Variants in MED1 observed in about 807,000 individuals in gnomAD.
The protein encoded by MED1 is mediator of RNA polymerase II transcription subunit 1.
A neutral mutation model predicts 121.3 loss-of-function variants in MED1; 17 were observed. The observed-to-expected ratio is 0.14, with a 90% CI of 0.10 to 0.21. The LOEUF (loss-of-function observed/expected upper bound fraction) is 0.21. Among genes scored for constraint, MED1 ranks in the 10% least tolerant of loss-of-function variants. The probability of loss-of-function intolerance (pLI) is 1.00; values close to 1 mark genes in which losing one functional copy is unlikely to be tolerated. For missense variants in MED1, 1,558 were observed against 1,919.4 expected (o/e 0.81, Z 3.52); for synonymous variants, 661 against 694.4 (o/e 0.95, Z 0.76).
chr17:39,443,789 T>C (rs1043815287), intron 2 of MED1, among the ~76,000 whole-genome samples, 161 bp from the exon 3 acceptor site: 1 of 117,832 alleles, frequency 8.5e-6, no homozygotes, highest in Admixed American at 9.0e-5. Context: ...GGTCTACAAG[T>C]GTTACTCTGT....
At chr17:39,434,810 T>C (rs1436639537) in intron 6 of MED1, among the ~76,000 whole-genome samples, 2 of 152,068 alleles carry the variant, frequency 1.3e-5, no homozygotes, top group East Asian at 1.9e-4. Context: ...CCTCCAAATA[T>C]GTAACTGAAT....
At chr17:39,423,287 CAT>C in intron 13 of MED1, 38 bp downstream of exon 13, 1 of 1,443,960 alleles carries the variant, frequency 6.9e-7, no homozygotes, top group Non-Finnish European at 9.7e-7. Flanking sequence ...TGGGTCCAAA[CAT>C]AACCTACAAC....
chr17:39,437,702 A>C (rs971052826), intron 6 of MED1, among the ~76,000 whole-genome samples: 2 of 152,058 alleles, frequency 1.3e-5, no homozygotes, highest in Admixed American at 1.3e-4. Context: ...TGGGAGGCCA[A>C]GGCAGGAGGA....
chr17:39,407,519 C>T lies in MED1; in HGVS notation c.4702G>A (p.Glu1568Lys). 1 of 1,612,956 alleles carries T rather than the reference C, an allele frequency of 6.2e-7. No homozygotes were observed. The highest frequency in any genetic ancestry group is 8.5e-7 in the Non-Finnish European group (1 of 1,179,432). The part of the protein sequence containing the change: ...SRLSPDFMIG[E>K]EDDDLMDVAL... ...ACATCCATAAGATCATCATCTTCCT[C>T]CCCAATCATAAAGTCTGGGCTGAGC... Residue 1568 changes from glutamate to lysine, a missense_variant, in exon 17 of 17, where the codon GAG (glutamate) becomes AAG (lysine). Coordinates refer to ENST00000300651, the MANE Select transcript of MED1 (RefSeq NM_004774.4).
intron 3 of MED1, 62 bp downstream of exon 3, chr17:39,443,488 A>C: frequency 6.9e-7 from 1 of 1,440,918 alleles, no homozygotes; most frequent in Non-Finnish European, 9.7e-7. Context: ...TTTAAGTATA[A>C]AATGGTCCTT....
At chr17:39,415,223 T>G in intron 15 of MED1, 21 bp downstream of exon 15, 1 of 1,606,250 alleles carries the variant, frequency 6.2e-7, no homozygotes. Context: ...ATGAGAGGTG[T>G]TAGCCACCCA....
chr17:39,412,223 T>TTTTTC (rs2048362567), intron 16 of MED1, among the ~76,000 whole-genome samples: 1 of 149,364 alleles, frequency 6.7e-6, no homozygotes, highest in East Asian at 1.9e-4. Context: ...AGCAAATTTT[T>TTTTTC]TTTTCTTTTT....
In MED1 at chr17:39,407,938, G is replaced by C. The variant is rs139806618; in HGVS notation, c.4283C>G (p.Ser1428Cys). Reference sequence around the variant, plus strand: ...GATGAGTGGAGAGCCATAGTTTTTAGAAGAAGCCATTTGAGGCCTAAGCCC... The same window carrying C: ...GATGAGTGGAGAGCCATAGTTTTTACAAGAAGCCATTTGAGGCCTAAGCCC... ...GEGLRPQMAS[S>C]KNYGSPLISG... Residue 1428 changes from serine (S) to cysteine (C), a missense_variant, in exon 17 of 17, where the codon TCT (serine) becomes TGT (cysteine). Transcript: ENST00000300651. The C allele has an allele frequency of 1.9e-6, 3 of 1,614,058 alleles. No homozygotes were observed. Among genetic ancestry groups the C allele is most frequent in the South Asian group, 2.2e-5 (2 of 91,078 alleles).
chr17:39,447,965 C>A, intron 1 of MED1, 61 bp from the exon 2 acceptor site: 1 of 1,130,422 alleles, frequency 8.8e-7, no homozygotes, highest in South Asian at 1.4e-5. Flanking sequence ...CCACAGTTTT[C>A]CTTGCAAAAT....
rs751574719 is a variant in MED1, at chr17:39,410,610, T to C, written c.1611A>G (p.Lys537=). 3 of 1,614,058 alleles carry C rather than the reference T, an allele frequency of 1.9e-6. No homozygotes were observed. The African/African-American group carries it at 4.0e-5, about 22-fold the overall frequency. The change falls in exon 17 of 17, where the codon AAA becomes AAG. Residue 537 remains lysine (K), a synonymous_variant. Coordinates refer to ENST00000300651, the MANE Select transcript of MED1 (RefSeq NM_004774.4). The part of the protein sequence containing the change: ...LIAETVEDMV[K]KNLPPASSPG... ...GGCTGCTAGCCGGGGGCAGGTTCTT[T>C]TTCACCATGTCTTCAACTGTCTCTG...
chr17:39,413,296 T>C (rs1597853838), intron 16 of MED1, among the ~76,000 whole-genome samples: 1 of 152,104 alleles, frequency 6.6e-6, no homozygotes, highest in East Asian at 1.9e-4. Flanking sequence ...AGAATCTCAC[T>C]CTATCACCCA....
At chr17:39,439,077 G>T in intron 6 of MED1, 88 bp downstream of exon 6, 1 of 1,172,184 alleles carries the variant, frequency 8.5e-7, no homozygotes, top group Non-Finnish European at 1.2e-6. Flanking sequence ...TGTTCCTGAG[G>T]AGAATAACTT....
chr17:39,424,654 A>G lies in MED1; in HGVS notation c.824T>C (p.Met275Thr). The change falls in exon 11 of 17, where the codon ATG becomes ACG. Residue 275 changes from methionine to threonine, a missense_variant. Coordinates refer to ENST00000300651, the MANE Select transcript of MED1 (RefSeq NM_004774.4). Reference protein sequence around the residue: ...VYKLPIAPLIMGSHPVDNKWT... With the variant: ...VYKLPIAPLITGSHPVDNKWT... ...TTTATTGTCAACTGGATGTGACCCCATAATTAATGGTGCAATTGGGAGTTT... is the reference window on the plus strand; with the variant it reads ...TTTATTGTCAACTGGATGTGACCCCGTAATTAATGGTGCAATTGGGAGTTT... The G allele has an allele frequency of 6.2e-7, 1 of 1,602,586 alleles. No homozygotes were observed. The highest frequency in any genetic ancestry group is 8.5e-7 in the Non-Finnish European group (1 of 1,172,906).
Position 39,409,678 on chromosome 17 carries a change from C to T in MED1, c.2543G>A (p.Ser848Asn). ...PADLIADAAG[S>N]PSSDSPTNHF... ...ATTGGTAGGAGAGTCACTACTGGGG[C>T]TTCCAGCAGCATCTGCAATAAGATC... The change falls in exon 17 of 17, where the codon AGC (serine) becomes AAC (asparagine). Residue 848 changes from serine to asparagine, a missense_variant. Ser to Asn is a conservative substitution (Grantham distance 46, BLOSUM62 1). This residue lies in a region of MED1 where 793 missense variants were observed against 898.2 expected (regional missense o/e 0.88). Coordinates refer to ENST00000300651, the MANE Select transcript of MED1 (RefSeq NM_004774.4). 6.2e-7 allele frequency: 1 copy of T among 1,614,130 alleles called. No homozygotes were observed. Among genetic ancestry groups the T allele is most frequent in the African/African-American group, 1.3e-5 (1 of 75,040 alleles).
chr17:39,447,145 C>T (rs1389385084), intron 2 of MED1, among the ~76,000 whole-genome samples: 1 of 152,024 alleles, frequency 6.6e-6, no homozygotes, highest in Non-Finnish European at 1.5e-5. Context: ...AATCCCAGCA[C>T]TTTGGGAGGC....
chr17:39,415,014 G>GGCCA lies in MED1; in HGVS notation c.1499+8_1499+11dup, dbSNP rs1389884993. ...TCTAAATGGGACTCAGATGAAAAAG[G>GGCCA]GCCAAGGCTACCTTTGAACAACTTT... On this transcript the variant is annotated intron_variant, in intron 16 of 16. Coordinates refer to ENST00000300651, the MANE Select transcript of MED1 (RefSeq NM_004774.4). 4 of 1,610,016 alleles carry GGCCA rather than the reference G, an allele frequency of 2.5e-6. No individual in the cohort carries two copies. The African/African-American group carries it at 5.3e-5, about 22-fold the overall frequency.
rs932354612 is a variant in MED1, at chr17:39,440,274, G to C, written c.399+112C>G. On this transcript the variant is annotated intron_variant, in intron 5 of 16. Coordinates refer to ENST00000300651, the MANE Select transcript of MED1 (RefSeq NM_004774.4). This position sits in a 1 kb window ranked among gnomAD's most constrained non-coding sequence, Gnocchi z 4.1. ...TGTAGCCCATCACATCATCTCTACA[G>C]TGGCTCATGGAAAAACCTAAACCCA... is the stretch of plus-strand genomic sequence containing the variant. The C allele has an allele frequency of 2.1e-5, 23 of 1,102,138 alleles. No individual in the cohort carries two copies. Among genetic ancestry groups the C allele is most frequent in the Non-Finnish European group, 2.8e-5 (22 of 788,026 alleles). The allele number at this position is 1,102,138 out of a possible 1,614,324, so 68.3% of individuals were successfully genotyped here.
chr17:39,410,108 C>G lies in MED1; in HGVS notation c.2113G>C (p.Glu705Gln). ...LPPEKPKHQTEDDFQRELFSM... is the reference protein window; with the variant it reads ...LPPEKPKHQTQDDFQRELFSM... ...AATAGCTCCCTCTGAAAGTCATCTT[C>G]AGTCTGGTGCTTTGGTTTCTCAGGT... Residue 705 changes from glutamate (E) to glutamine (Q), a missense_variant, in exon 17 of 17, where the codon GAA becomes CAA. Glu to Gln is a conservative substitution (Grantham distance 29). Around this residue, in one of 5 missense-constraint regions of MED1, gnomAD observed 793 missense variants for 898.2 expected, o/e 0.88. Coordinates refer to ENST00000300651, the MANE Select transcript of MED1 (RefSeq NM_004774.4). The G allele has an allele frequency of 6.2e-7, 1 of 1,614,136 alleles. No homozygotes were observed. The highest frequency in any genetic ancestry group is 8.5e-7 in the Non-Finnish European group (1 of 1,180,024).
intron 6 of MED1, 124 bp from the exon 7 acceptor site, chr17:39,434,444 C>A: frequency 2.0e-6 from 1 of 500,412 alleles, no homozygotes. Flanking sequence ...CAGCTTTAAC[C>A]ATTTTCCTCA....
Sources: gnomAD v4.1 joint callset for allele counts (sites outside exome capture counted in the v4.1 genomes callset) on GRCh38, gnomAD v4.1.1 for gene constraint, gnomAD v4.1.1 regional missense constraint, Gnocchi (gnomAD v3.1) non-coding constraint, MANE v1.5 for transcripts, NCBI Gene and HGNC (gene_info 2026-07-23, HGNC 2026-07-21) for gene names.